Variants in CACNA1B observed in about 807,000 individuals in gnomAD.
The protein encoded by CACNA1B is voltage-dependent N-type calcium channel subunit alpha-1B.
Under a neutral mutation model 247.2 loss-of-function variants are expected in CACNA1B, and 70 were observed. The ratio of observed to expected loss-of-function variants is 0.28; its 90% CI spans 0.23 to 0.35. The LOEUF is 0.35. CACNA1B is among the 10% of genes least tolerant of loss of function. CACNA1B has a pLI of 1.00. For missense variants in CACNA1B, 2,367 were observed against 3,197.4 expected (o/e 0.74, Z 6.26); for synonymous variants, 1,231 against 1,294.4 (o/e 0.95, Z 1.05).
At chr9:137,901,350 T>C (rs566703027) in intron 3 of CACNA1B, among the ~76,000 whole-genome samples, 2 of 151,938 alleles carry the variant, frequency 1.3e-5, no homozygotes, top group Admixed American at 1.3e-4. Flanking sequence ...CCTGTGTCCG[T>C]GTGTCTGTGT....
Position 137,955,775 on chromosome 9 carries a change from G to C in CACNA1B, c.1148G>C (p.Arg383Pro). ...LKLRRQQQIE[R>P]ELNGYLEWIF... ...CTGCGCCGGCAGCAGCAGATCGAGCGAGAGCTCAACGGGTACCTGGAGTGG... is the reference window on the plus strand; with the variant it reads ...CTGCGCCGGCAGCAGCAGATCGAGCCAGAGCTCAACGGGTACCTGGAGTGG... The change falls in exon 8 of 47, where the codon CGA becomes CCA. Residue 383 changes from arginine (R) to proline (P), a missense_variant. By Grantham distance (103) the Arg-to-Pro change is moderately radical. Around this residue, in one of 12 missense-constraint regions of CACNA1B, gnomAD observed 219 missense variants for 297.6 expected, o/e 0.74. Transcript: ENST00000371372. This position sits in a 1 kb window ranked among gnomAD's most constrained non-coding sequence, Gnocchi z 6.9. The C allele has an allele frequency of 6.2e-7, 1 of 1,612,158 alleles. No individual in the cohort carries two copies. The highest frequency in any genetic ancestry group is 8.5e-7 in the Non-Finnish European group (1 of 1,179,188).
intron 6 of CACNA1B, among the ~76,000 whole-genome samples, chr9:137,949,017 TGTGTGTGGTGTATAC>T (rs1564202994): frequency 2.1e-5 from 3 of 145,350 alleles, no homozygotes; most frequent in African/African-American, 7.7e-5. Flanking sequence ...GTGTGTTTTG[TGTGTGTGGTGTATAC>T]GTGTGTGGTG....
At chr9:138,039,246 G>A (rs1357220809) in intron 20 of CACNA1B, among the ~76,000 whole-genome samples, 3 of 151,516 alleles carry the variant, frequency 2.0e-5, no homozygotes, top group South Asian at 2.1e-4. Flanking sequence ...CATTAATTCC[G>A]TGGCATTTGT....
chr9:137,997,680 GAGA>G (rs1411820506), intron 15 of CACNA1B, among the ~76,000 whole-genome samples: 1 of 152,200 alleles, frequency 6.6e-6, no homozygotes, highest in African/African-American at 2.4e-5. Context: ...TTAAGATTTA[GAGA>G]AGAAGTGGAG....
rs1439483776 is a variant in CACNA1B at position 138,050,117 on chromosome 9, C to G, written c.3710+802C>G. ...GCCTTCTCTCCCCCACACGCTGCCC[C>G]TGACATCACAGCATTCCAGCAGCCC... is the stretch of plus-strand genomic sequence containing the variant. On this transcript the variant is annotated intron_variant, in intron 24 of 46. Coordinates refer to ENST00000371372, the MANE Select transcript of CACNA1B (RefSeq NM_000718.4). This position sits in a 1 kb window ranked among gnomAD's most constrained non-coding sequence, Gnocchi z 5.2. The G allele has an allele frequency of 4.7e-6, 6 of 1,285,154 alleles. No homozygotes were observed. Among genetic ancestry groups the G allele is most frequent in the Non-Finnish European group, 6.1e-6 (6 of 984,552 alleles). The allele number at this position is 1,285,154 out of a possible 1,614,324, so 79.6% of individuals were successfully genotyped here.
At chr9:138,040,494 A>ATATG in intron 20 of CACNA1B, 6 of 290,064 alleles carry the variant, frequency 2.1e-5, no homozygotes, top group Admixed American at 4.0e-5. Context: ...ATATATATAT[A>ATATG]TAAATGATAT....
rs1959231248 is a variant in CACNA1B at position 138,050,283 on chromosome 9, C to A, written c.3710+968C>A. Among the ~76,000 whole-genome samples the A allele has an allele frequency of 6.6e-6, 1 of 152,184 alleles. No homozygotes were observed. Among genetic ancestry groups the A allele is most frequent in the South Asian group, 2.1e-4 (1 of 4,824 alleles). ...AGCGGGGCGGGGAGCTGGGCTGGAG[C>A]TGGGCATGGTCAGCCCTTGGTGAGG... On this transcript the variant is annotated intron_variant, in intron 24 of 46. Coordinates refer to ENST00000371372, the MANE Select transcript of CACNA1B (RefSeq NM_000718.4). The surrounding 1 kb of genome is among the most constrained non-coding windows in gnomAD (Gnocchi z 5.2).
intron 10 of CACNA1B, among the ~76,000 whole-genome samples, chr9:137,969,224 C>T (rs1958116407): frequency 6.6e-6 from 1 of 152,254 alleles, no homozygotes; most frequent in Non-Finnish European, 1.5e-5. Flanking sequence ...AGGTCTTGCT[C>T]AGTCCCCTGG....
Position 137,954,856 on chromosome 9 carries a change from T to TGTGTGTGTGTGTGTGTGTGTGTGTG in CACNA1B, c.1071-842_1071-841insGTGTGTGTGTGTGTGTGTGTGTGTG, listed in dbSNP as rs1554737971. ...ACACCCACTCCACCAACTCAGAAGCTTGTGTGTGTGTGTGTGTGTGTGTGA... is the reference window on the plus strand; with the variant it reads ...ACACCCACTCCACCAACTCAGAAGCTGTGTGTGTGTGTGTGTGTGTGTGTGTGTGTGTGTGTGTGTGTGTGTGTGA... On this transcript the variant is annotated intron_variant, in intron 7 of 46. Transcript: ENST00000371372. This position sits in a 1 kb window ranked among gnomAD's most constrained non-coding sequence, Gnocchi z 4.1. Among the ~76,000 whole-genome samples the TGTGTGTGTGTGTGTGTGTGTGTGTG allele has an allele frequency of 1.7e-5, 2 of 120,946 alleles. No individual in the cohort carries two copies. Among genetic ancestry groups the TGTGTGTGTGTGTGTGTGTGTGTGTG allele is most frequent in the African/African-American group, 4.0e-5 (1 of 25,258 alleles). The allele number at this position is 120,946 out of a possible 152,430, so 79.3% of individuals were successfully genotyped here.
rs201396139 is a variant in CACNA1B at position 138,023,668 on chromosome 9, G to C, written c.2925G>C (p.Pro975=). The change falls in exon 19 of 47, where the codon CCG becomes CCC. Residue 975 remains proline (P), a synonymous_variant. Transcript: ENST00000371372. The stretch of plus-strand genomic sequence containing the variant: ...GGGAGGCGGAGAGCGGGGAGGAGCC[G>C]GCGCGGCGGCACCGGGCCCGGCACA... ...GPREAESGEE[P]ARRHRARHKA... 6.7e-3 allele frequency: 10,045 copies of C among 1,494,108 alleles called. 57 individuals carry two copies. The highest frequency in any genetic ancestry group is 0.01 in the Middle Eastern group (46 of 4,576). The allele number at this position is 1,494,108 out of a possible 1,614,324, so 92.6% of individuals were successfully genotyped here.
intron 16 of CACNA1B, among the ~76,000 whole-genome samples, chr9:138,008,730 C>T (rs1470745680): frequency 2.0e-5 from 3 of 152,216 alleles, no homozygotes; most frequent in South Asian, 2.1e-4. Flanking sequence ...GGCTGGATCA[C>T]GTGGAGTGCA....
rs1001982111 is a variant in CACNA1B, at chr9:138,051,611, G to T, written c.3711-481G>T. ...GCTGTCGGTTTCACGTCAGCGGGAGGAATGTTAGGACGGCTGAGGAGATCT... is the reference window on the plus strand; with the variant it reads ...GCTGTCGGTTTCACGTCAGCGGGAGTAATGTTAGGACGGCTGAGGAGATCT... On this transcript the variant is annotated intron_variant, in intron 24 of 46. Transcript: ENST00000371372. The surrounding 1 kb of genome is among the most constrained non-coding windows in gnomAD (Gnocchi z 4.3). Among the ~76,000 whole-genome samples the T allele has an allele frequency of 3.3e-5, 5 of 151,942 alleles. No individual in the cohort carries two copies. Among genetic ancestry groups the T allele is most frequent in the Non-Finnish European group, 5.9e-5 (4 of 67,994 alleles).
chr9:138,067,076 G>C (rs973437450), intron 31 of CACNA1B, among the ~76,000 whole-genome samples: 1 of 152,180 alleles, frequency 6.6e-6, no homozygotes, highest in Non-Finnish European at 1.5e-5. Flanking sequence ...CGTGAATAAC[G>C]TGAAGGAGAA....
At chr9:138,005,275 A>G (rs946862001) in intron 15 of CACNA1B, among the ~76,000 whole-genome samples, 3 of 152,266 alleles carry the variant, frequency 2.0e-5, no homozygotes, top group African/African-American at 4.8e-5. Flanking sequence ...ACAGAACACT[A>G]TTCAGCCACA....
At chr9:137,901,907 C>T (rs371748513) in intron 3 of CACNA1B, among the ~76,000 whole-genome samples, 5 of 151,860 alleles carry the variant, frequency 3.3e-5, no homozygotes, top group Non-Finnish European at 5.9e-5. Context: ...GTCAGGCTGG[C>T]GTGGAACTCT....
rs2133335704 is a variant in CACNA1B at position 137,950,857 on chromosome 9, G to T, written c.967-1417G>T. On this transcript the variant is annotated intron_variant, in intron 6 of 46. Coordinates refer to ENST00000371372, the MANE Select transcript of CACNA1B (RefSeq NM_000718.4). The surrounding 1 kb of genome is among the most constrained non-coding windows in gnomAD (Gnocchi z 4.8). The stretch of plus-strand genomic sequence containing the variant: ...ATATTTGCTTTATGAATAATTTTCA[G>T]TATGTTAATTCCACCTAGTGGGAAC... 1.3e-5 allele frequency among the ~76,000 whole-genome samples: 2 copies of T among 152,334 alleles called. No individual in the cohort carries two copies. The highest frequency in any genetic ancestry group is 1.3e-4 in the Admixed American group (2 of 15,296).
chr9:137,902,936 C>T (rs1380910609), intron 3 of CACNA1B, among the ~76,000 whole-genome samples: 2 of 152,230 alleles, frequency 1.3e-5, no homozygotes, highest in Admixed American at 6.5e-5. Context: ...GTGGGCAGAA[C>T]TCTGTCAGAT....
intron 39 of CACNA1B, among the ~76,000 whole-genome samples, chr9:138,110,761 A>G (rs1036262502): frequency 6.6e-6 from 1 of 152,134 alleles, no homozygotes; most frequent in Non-Finnish European, 1.5e-5. Flanking sequence ...GAATGAAAAG[A>G]CAAGCCTAAA....
At chr9:137,937,819 C>T (rs371243522) in intron 6 of CACNA1B, among the ~76,000 whole-genome samples, 26 of 151,682 alleles carry the variant, frequency 1.7e-4, no homozygotes, top group East Asian at 7.8e-4. Context: ...TGGTGGTGCA[C>T]GCCTGTAATC....
Sources: allele counts gnomAD v4.1 joint callset (sites outside exome capture counted in the v4.1 genomes callset), GRCh38; gene constraint gnomAD v4.1.1; regional missense constraint gnomAD v4.1.1; non-coding constraint Gnocchi (gnomAD v3.1); transcripts MANE v1.5; gene names NCBI Gene and HGNC (gene_info 2026-07-23, HGNC 2026-07-21).